CHD5: variants seen among roughly 807,000 people sequenced by gnomAD.
CHD5 encodes ATP-dependent chromatin remodeler CHD5.
A neutral mutation model predicts 230.3 loss-of-function variants in CHD5; 69 were observed. The ratio of observed to expected loss-of-function variants is 0.30; its 90% CI spans 0.25 to 0.37. The LOEUF (loss-of-function observed/expected upper bound fraction) is 0.37. Among genes scored for constraint, CHD5 ranks in the 10% least tolerant of loss-of-function variants. The pLI, the probability that CHD5 is intolerant of heterozygous loss-of-function variation, is 1.00. For missense variants in CHD5, 1,827 were observed against 2,622.8 expected (o/e 0.70, Z 6.63); for synonymous variants, 1,064 against 1,065.9 (o/e 1.00, Z 0.03).
intron 36 of CHD5, 119 bp from the exon 37 acceptor site, chr1:6,110,645 C>T (rs969316233): frequency 1.9e-6 from 2 of 1,034,818 alleles, no homozygotes; most frequent in African/African-American, 3.2e-5. Context: ...TGTACGCTCT[C>T]AGGCAAGTCC....
chr1:6,120,884 C>G (rs1666458520), intron 33 of CHD5, among the ~76,000 whole-genome samples: 1 of 151,558 alleles, frequency 6.6e-6, no homozygotes, highest in Non-Finnish European at 1.5e-5. Flanking sequence ...GCCTGGGTGA[C>G]AGAGCGAAAC....
In CHD5 at chr1:6,152,421, T is replaced by C; in HGVS notation, c.861A>G (p.Lys287=). The stretch of plus-strand genomic sequence containing the variant: ...ACACGCACACACTCACCGAGGAGCC[T>C]TTCTTCCTCTTGTTGCTGATCCCCC... ...RFGGISNKRK[K]GSSSEEDERE... is the part of the protein sequence containing the mutation. The change falls in exon 6 of 42, where the codon AAA becomes AAG. Residue 287 remains lysine (K), a synonymous_variant. Coordinates refer to ENST00000262450, the MANE Select transcript of CHD5 (RefSeq NM_015557.3). The C allele has an allele frequency of 8.1e-6, 13 of 1,613,762 alleles. No individual in the cohort carries two copies. The highest frequency in any genetic ancestry group is 1.1e-5 in the South Asian group (1 of 91,026).
intron 7 of CHD5, among the ~76,000 whole-genome samples, chr1:6,150,702 G>A (rs1666991941): frequency 6.6e-6 from 1 of 152,128 alleles, no homozygotes; most frequent in African/African-American, 2.4e-5. Flanking sequence ...GGTGACTGAA[G>A]GGAGGATGGC....
In CHD5 at chr1:6,103,433, C is replaced by G. The variant is rs866628335; in HGVS notation, c.*2041G>C. Reference sequence around the variant, plus strand: ...GGACCATCAGCCCTTGGGGTGGAGACACAGACCCCTGCCCTGACCGCCACA... The same window carrying G: ...GGACCATCAGCCCTTGGGGTGGAGAGACAGACCCCTGCCCTGACCGCCACA... On this transcript the variant is annotated 3_prime_UTR_variant, in exon 42 of 42. Transcript: ENST00000262450. The G allele has an allele frequency of 4.6e-5, 7 of 152,540 alleles. No homozygotes were observed. The highest frequency in any genetic ancestry group is 1.0e-4 in the Non-Finnish European group (7 of 68,284). The allele number at this position is 152,540 out of a possible 1,614,324, so 9.4% of individuals were successfully genotyped here.
chr1:6,127,497 A>G (rs949482382), intron 25 of CHD5, among the ~76,000 whole-genome samples: 1 of 151,958 alleles, frequency 6.6e-6, no homozygotes, highest in Admixed American at 6.5e-5. Flanking sequence ...AGAAAAAAAA[A>G]AAAAGAAAAT....
chr1:6,110,368 C>T (rs1666267013), intron 37 of CHD5, 26 bp downstream of exon 37: 3 of 1,613,318 alleles, frequency 1.9e-6, no homozygotes, highest in Non-Finnish European at 2.5e-6. Context: ...CTGCCCCGTG[C>T]AGCCCTGGCC....
intron 3 of CHD5, among the ~76,000 whole-genome samples, chr1:6,158,708 G>A (rs554638932): frequency 6.9e-4 from 105 of 152,114 alleles, no homozygotes; most frequent in African/African-American, 2.4e-3. Flanking sequence ...CAGGCAGATC[G>A]CGAGGTCAAG....
chr1:6,106,157 G>A, intron 41 of CHD5, 77 bp downstream of exon 41: 9 of 1,334,310 alleles, frequency 6.7e-6, no homozygotes, highest in Admixed American at 1.8e-5. Context: ...AAGTGCAGGG[G>A]CAGGGCTGAC....
intron 31 of CHD5, among the ~76,000 whole-genome samples, chr1:6,123,266 G>C (rs565849888): frequency 4.6e-5 from 7 of 152,202 alleles, no homozygotes; most frequent in African/African-American, 1.4e-4. Flanking sequence ...GCGAAATCCA[G>C]AAACAGGAAG....
chr1:6,105,186 G>GTCGT lies in CHD5; in HGVS notation c.*284_*287dup, dbSNP rs1487628971. ...AAATAAATGAAATCTCTTCTAAGAA[G>GTCGT]TCGTCTGGAAAAGGTGGCGAGGGGG... On this transcript the variant is annotated 3_prime_UTR_variant, in exon 42 of 42. Coordinates refer to ENST00000262450, the MANE Select transcript of CHD5 (RefSeq NM_015557.3). The surrounding 1 kb of genome is among the most constrained non-coding windows in gnomAD (Gnocchi z 4.8). 1.4e-5 allele frequency: 5 copies of GTCGT among 349,476 alleles called. No homozygotes were observed. Among genetic ancestry groups the GTCGT allele is most frequent in the Non-Finnish European group, 2.9e-5 (5 of 172,952 alleles). The allele number at this position is 349,476 out of a possible 1,614,324, so 21.6% of individuals were successfully genotyped here. A position where few individuals can be genotyped will look rare whatever the true frequency, so the allele number is the denominator to read the frequency against.
chr1:6,176,979 G>A (rs1279106162), intron 1 of CHD5, among the ~76,000 whole-genome samples: 1 of 152,156 alleles, frequency 6.6e-6, no homozygotes, highest in East Asian at 1.9e-4. Context: ...TCAGACACCT[G>A]CCTCAATGCC....
At chr1:6,110,601 G>A (rs963075579) in intron 36 of CHD5, 75 bp from the exon 37 acceptor site, 2 of 1,482,634 alleles carry the variant, frequency 1.3e-6, no homozygotes, top group Admixed American at 1.8e-5. Context: ...GCTCAGGGAG[G>A]GGGAGGGGCC....
Position 6,167,162 on chromosome 1 carries a change from G to A in CHD5, c.207+988C>T, listed in dbSNP as rs555163244. Among the ~76,000 whole-genome samples the A allele has an allele frequency of 5.3e-5, 8 of 152,320 alleles. No homozygotes were observed. The East Asian group carries it at 1.2e-3, about 22-fold the overall frequency. ...CCAGGCCAGTCCCCTCTAGGCGGGG[G>A]AAAGAAAGGTGGAGAGCTGGCCTCA... On this transcript the variant is annotated intron_variant, in intron 2 of 41. Coordinates refer to ENST00000262450, the MANE Select transcript of CHD5 (RefSeq NM_015557.3). The surrounding 1 kb of genome is among the most constrained non-coding windows in gnomAD (Gnocchi z 4.5).
chr1:6,112,002 C>G, intron 35 of CHD5, 119 bp from the exon 36 acceptor site: 1 of 1,379,044 alleles, frequency 7.3e-7, no homozygotes, highest in Non-Finnish European at 1.0e-6. Context: ...GTCCAGTGTT[C>G]CAGGGTGGCT....
chr1:6,139,093 G>GC (rs1347263322), intron 15 of CHD5, among the ~76,000 whole-genome samples: 2 of 152,224 alleles, frequency 1.3e-5, no homozygotes, highest in Non-Finnish European at 2.9e-5. Context: ...ATGGGTGGCT[G>GC]CCAGGGGCTC....
chr1:6,155,721 C>T lies in CHD5; in HGVS notation c.388-4G>A. 1 of 1,612,114 alleles carries T rather than the reference C, an allele frequency of 6.2e-7. No individual in the cohort carries two copies. The highest frequency in any genetic ancestry group is 8.5e-7 in the Non-Finnish European group (1 of 1,178,266). On this transcript the variant is annotated splice_region_variant and splice_polypyrimidine_tract_variant and intron_variant, in intron 3 of 41. Coordinates refer to ENST00000262450, the MANE Select transcript of CHD5 (RefSeq NM_015557.3). This position sits in a 1 kb window ranked among gnomAD's most constrained non-coding sequence, Gnocchi z 4.0. Reference sequence around the variant, plus strand: ...GCTGCCCCGAGGACTTGGGCTCCTACAGAGACCCAGGCCAGAGGTAGAGTT... The same window carrying T: ...GCTGCCCCGAGGACTTGGGCTCCTATAGAGACCCAGGCCAGAGGTAGAGTT...
rs753507616 is a variant in CHD5 at position 6,111,856 on chromosome 1, T to C, written c.5168A>G (p.Glu1723Gly). 6.2e-7 allele frequency: 1 copy of C among 1,613,160 alleles called. No individual in the cohort carries two copies. The highest frequency in any genetic ancestry group is 1.7e-5 in the Admixed American group (1 of 60,006). Residue 1723 changes from glutamate to glycine, a missense_variant, in exon 36 of 42, where the codon GAG becomes GGG. By Grantham distance (98) the Glu-to-Gly change is moderately conservative. Around this residue, in one of 14 missense-constraint regions of CHD5, gnomAD observed 272 missense variants for 263.2 expected, o/e 1.03. Coordinates refer to ENST00000262450, the MANE Select transcript of CHD5 (RefSeq NM_015557.3). ...TTTCCCAGAGGATACAGCAGCCCGC[T>C]CCTCGTTCTGCCACAGCGTGTGCAA... Reference protein sequence around the residue: ...TELHTLWQNEERAAVSSGKIY... With the variant: ...TELHTLWQNEGRAAVSSGKIY...
intron 11 of CHD5, among the ~76,000 whole-genome samples, chr1:6,145,661 G>C (rs1214042495): frequency 2.0e-5 from 3 of 152,218 alleles, no homozygotes; most frequent in Non-Finnish European, 4.4e-5. Flanking sequence ...TGGGGCACTG[G>C]GGGGTGCAAC....
chr1:6,164,359 C>G (rs1369698493), intron 2 of CHD5, among the ~76,000 whole-genome samples: 1 of 152,196 alleles, frequency 6.6e-6, no homozygotes, highest in Non-Finnish European at 1.5e-5. Context: ...TAATTTAGCA[C>G]TGAATAATTG....
Sources: allele counts gnomAD v4.1 joint callset (sites outside exome capture counted in the v4.1 genomes callset), GRCh38; gene constraint gnomAD v4.1.1; regional missense constraint gnomAD v4.1.1; non-coding constraint Gnocchi (gnomAD v3.1); transcripts MANE v1.5; gene names NCBI Gene and HGNC (gene_info 2026-07-23, HGNC 2026-07-21).